The following NFE2L2 variants were observed in gnomAD, a reference collection of about 807,000 sequenced individuals.
The protein encoded by NFE2L2 is nuclear factor erythroid 2-related factor 2.
NFE2L2 carries 20 observed loss-of-function variants against 49.6 expected under a neutral mutation model. That is an observed-to-expected ratio of 0.40 (90% CI 0.28 to 0.59). The LOEUF (loss-of-function observed/expected upper bound fraction) is 0.59. Ranked by LOEUF, NFE2L2 falls within the 20% of genes least tolerant of loss-of-function variation. The probability of loss-of-function intolerance (pLI) is 0.40; values close to 1 mark genes in which losing one functional copy is unlikely to be tolerated. For synonymous variants in NFE2L2, 244 were observed against 256.5 expected (o/e 0.95, Z 0.47); for missense variants, 578 against 714.2 (o/e 0.81, Z 2.17).
chr2:177,264,501 C>T (rs1690865911), intron 1 of NFE2L2, 31 bp downstream of exon 1: 6 of 1,519,200 alleles, frequency 3.9e-6, no homozygotes, highest in Non-Finnish European at 5.3e-6. Flanking sequence ...GTCCCGGCAC[C>T]ACCGCAGGGC....
At chr2:177,252,090 C>T (rs1690363305) in intron 1 of NFE2L2, among the ~76,000 whole-genome samples, 1 of 151,672 alleles carries the variant, frequency 6.6e-6, no homozygotes, top group African/African-American at 2.4e-5. Context: ...GTGCCATGTG[C>T]TATTTCCTGT....
In NFE2L2 at chr2:177,230,675, T is replaced by C. The variant is rs891846238; in HGVS notation, c.*110A>G. On this transcript the variant is annotated 3_prime_UTR_variant, in exon 5 of 5. Transcript: ENST00000397062. Reference sequence around the variant, plus strand: ...TTATTTTCTATACTAGTTTTGGCTATGATTTTGCATAGAATTACTTATAAA... The same window carrying C: ...TTATTTTCTATACTAGTTTTGGCTACGATTTTGCATAGAATTACTTATAAA... 9 of 1,260,578 alleles carry C rather than the reference T, an allele frequency of 7.1e-6. 1 individual carries two copies. The East Asian group carries it at 7.7e-5, about 11-fold the overall frequency. The allele number at this position is 1,260,578 out of a possible 1,614,324, so 78.1% of individuals were successfully genotyped here.
intron 1 of NFE2L2, among the ~76,000 whole-genome samples, chr2:177,259,699 G>A (rs1297187892): frequency 6.6e-6 from 1 of 152,128 alleles, no homozygotes; most frequent in African/African-American, 2.4e-5. Flanking sequence ...TTGGGAGGCT[G>A]AGGCAGGCGG....
intron 1 of NFE2L2, among the ~76,000 whole-genome samples, chr2:177,252,623 C>T (rs901301737): frequency 1.4e-5 from 2 of 147,714 alleles, no homozygotes; most frequent in African/African-American, 5.0e-5. Flanking sequence ...CTAGTTTTTC[C>T]TCCCCTTTCA....
intron 1 of NFE2L2, among the ~76,000 whole-genome samples, chr2:177,256,444 C>A (rs889000048): frequency 7.5e-6 from 1 of 134,102 alleles, no homozygotes; most frequent in Non-Finnish European, 1.5e-5. Context: ...AAGGTCATTT[C>A]TTTCACACAG....
rs775407894 is a variant in NFE2L2 at position 177,231,282 on chromosome 2, A to G, written c.1321T>C (p.Phe441Leu). Reference protein sequence around the residue: ...PVSPGHRKTPFTKDKHSSRLE... With the variant: ...PVSPGHRKTPLTKDKHSSRLE... The stretch of plus-strand genomic sequence containing the variant: ...CGGCTTGAATGTTTGTCTTTTGTGA[A>G]TGGGGTTTTCCGATGACCAGGACTT... Residue 441 changes from phenylalanine (F) to leucine (L), a missense_variant, in exon 5 of 5, where the codon TTC (phenylalanine) becomes CTC (leucine). By Grantham distance (22) the Phe-to-Leu change is conservative. Around this residue, in one of 3 missense-constraint regions of NFE2L2, gnomAD observed 368 missense variants for 384.6 expected, o/e 0.96. Transcript: ENST00000397062. The G allele has an allele frequency of 6.2e-7, 1 of 1,614,206 alleles. No individual in the cohort carries two copies. The highest frequency in any genetic ancestry group is 8.5e-7 in the Non-Finnish European group (1 of 1,180,030).
intron 1 of NFE2L2, among the ~76,000 whole-genome samples, chr2:177,259,217 G>A (rs571402774): frequency 7.9e-5 from 12 of 151,700 alleles, no homozygotes; most frequent in African/African-American, 2.7e-4. Context: ...CAGGAGAATC[G>A]CTTGAACTCG....
intron 1 of NFE2L2, among the ~76,000 whole-genome samples, chr2:177,259,559 C>T (rs1473136703): frequency 2.0e-5 from 3 of 152,198 alleles, no homozygotes; most frequent in African/African-American, 7.2e-5. Flanking sequence ...GAAACTGACA[C>T]ACAGAAGGCT....
chr2:177,263,571 G>C, intron 1 of NFE2L2: 2 of 985,482 alleles, frequency 2.0e-6, no homozygotes, highest in Non-Finnish European at 1.2e-6. Flanking sequence ...ACGCTATAAA[G>C]CAGGAAAGGG....
At chr2:177,232,340 A>G in intron 4 of NFE2L2, 52 bp downstream of exon 4, 1 of 1,494,684 alleles carries the variant, frequency 6.7e-7, no homozygotes, top group African/African-American at 1.4e-5. Context: ...CAGAATGACT[A>G]AAGGCACTGA....
chr2:177,238,524 G>A (rs937602721), intron 1 of NFE2L2, among the ~76,000 whole-genome samples: 35 of 152,200 alleles, frequency 2.3e-4, no homozygotes, highest in Admixed American at 1.4e-3. Flanking sequence ...TGGATCAAAT[G>A]AGGCACGTGA....
At chr2:177,264,507 A>C (rs2105502910) in intron 1 of NFE2L2, 25 bp downstream of exon 1, 2 of 1,519,794 alleles carry the variant, frequency 1.3e-6, no homozygotes, top group South Asian at 2.5e-5. Context: ...GCACCACCGC[A>C]GGGCCCAGAG....
At position 177,232,008 on chromosome 2, in the gene NFE2L2, A is replaced by G; in HGVS notation, c.595T>C (p.Cys199Arg). Residue 199 changes from cysteine (C) to arginine (R), a missense_variant and splice_region_variant, in exon 5 of 5, where the codon TGT becomes CGT. Physicochemically the swap from Cys to Arg is radical, Grantham distance 180. Coordinates refer to ENST00000397062, the MANE Select transcript of NFE2L2 (RefSeq NM_006164.5). ...AGCTTGTCATTTTCAATATTAAGAC[A>G]CTGCATGAGAAGGAAGTTTATACTA... Reference protein sequence around the residue: ...EELLSIPELQCLNIENDKLVE... With the variant: ...EELLSIPELQRLNIENDKLVE... 1 of 1,589,072 alleles carries G rather than the reference A, an allele frequency of 6.3e-7. No individual in the cohort carries two copies. Among genetic ancestry groups the G allele is most frequent in the Non-Finnish European group, 8.6e-7 (1 of 1,168,714 alleles).
intron 1 of NFE2L2, among the ~76,000 whole-genome samples, chr2:177,244,389 A>C (rs1690051783): frequency 6.6e-6 from 1 of 152,286 alleles, no homozygotes; most frequent in Middle Eastern, 3.4e-3. Context: ...AAATACCCTA[A>C]GTGGATCACT....
At chr2:177,233,376 G>A in intron 2 of NFE2L2, 37 bp from the exon 3 acceptor site, 1 of 1,491,782 alleles carries the variant, frequency 6.7e-7, no homozygotes, top group Non-Finnish European at 9.2e-7. Context: ...AAACAAAAAT[G>A]GTTAAATATT....
rs762499794 is a variant in NFE2L2 at position 177,231,403 on chromosome 2, A to C, written c.1200T>G (p.Ser400=). ...QNGPKTPVHS[S]GDMVQPLSPS... ...GTGACAAGGGTTGTACCATATCCCC[A>C]GAAGAATGTACTGGTGTTTTAGGAC... is the stretch of plus-strand genomic sequence containing the variant. The change falls in exon 5 of 5, where the codon TCT becomes TCG. Residue 400 remains serine (S), a synonymous_variant. Coordinates refer to ENST00000397062, the MANE Select transcript of NFE2L2 (RefSeq NM_006164.5). The C allele has an allele frequency of 6.2e-7, 1 of 1,614,278 alleles. No individual in the cohort carries two copies. Among genetic ancestry groups the C allele is most frequent in the Non-Finnish European group, 8.5e-7 (1 of 1,180,048 alleles).
At chr2:177,250,090 A>G (rs1023587875) in intron 1 of NFE2L2, among the ~76,000 whole-genome samples, 2 of 152,216 alleles carry the variant, frequency 1.3e-5, no homozygotes, top group African/African-American at 4.8e-5. Flanking sequence ...TGTAAAAGCT[A>G]CTCAATAACC....
At chr2:177,260,103 A>G (rs1159801968) in intron 1 of NFE2L2, among the ~76,000 whole-genome samples, 5 of 152,370 alleles carry the variant, frequency 3.3e-5, no homozygotes, top group Admixed American at 3.3e-4. Flanking sequence ...CTTATTTAAA[A>G]GCAGGTAGCA....
At chr2:177,239,003 CACAT>C (rs1448593268) in intron 1 of NFE2L2, among the ~76,000 whole-genome samples, 1 of 152,182 alleles carries the variant, frequency 6.6e-6, no homozygotes, top group African/African-American at 2.4e-5. Flanking sequence ...TACACACACA[CACAT>C]TCAATTGCCA....
Sources: allele counts gnomAD v4.1 joint callset (sites outside exome capture counted in the v4.1 genomes callset), GRCh38; gene constraint gnomAD v4.1.1; regional missense constraint gnomAD v4.1.1; transcripts MANE v1.5; gene names NCBI Gene and HGNC (gene_info 2026-07-23, HGNC 2026-07-21).